Variants in ASAP1 observed in about 807,000 individuals in gnomAD.
The protein encoded by ASAP1 is ArfGAP with SH3 domain, ankyrin repeat and PH domain 1, also known as arf-GAP with SH3 domain, ANK repeat and PH domain-containing protein 1.
ASAP1 carries 43 observed loss-of-function variants against 145.2 expected under a neutral mutation model. The ratio of observed to expected loss-of-function variants is 0.30; its 90% CI spans 0.23 to 0.38. ASAP1 has a LOEUF of 0.38. Ranked by LOEUF, ASAP1 falls within the 10% of genes least tolerant of loss-of-function variation. ASAP1 has a pLI of 1.00. For missense variants in ASAP1, 1,018 were observed against 1,355.3 expected (o/e 0.75, Z 3.91); for synonymous variants, 546 against 515.5 (o/e 1.06, Z -0.80).
intron 3 of ASAP1, among the ~76,000 whole-genome samples, chr8:130,321,957 T>C (rs1387841973): frequency 1.3e-5 from 2 of 152,246 alleles, no homozygotes; most frequent in African/African-American, 4.8e-5. Context: ...AAAAGATAGA[T>C]GCTAAATCTC....
chr8:130,356,159 C>G (rs1307104794), intron 3 of ASAP1, among the ~76,000 whole-genome samples: 4 of 152,222 alleles, frequency 2.6e-5, no homozygotes, highest in African/African-American at 9.6e-5. Flanking sequence ...CATTAACCCT[C>G]TACTACAGGG....
intron 5 of ASAP1, among the ~76,000 whole-genome samples, chr8:130,200,804 C>G (rs1437883703): frequency 6.6e-6 from 1 of 152,118 alleles, no homozygotes; most frequent in Non-Finnish European, 1.5e-5. Context: ...TATAATTAAC[C>G]AGCAGCCTAT....
Position 130,249,945 on chromosome 8 carries a change from C to T in ASAP1, c.187-12951G>A, listed in dbSNP as rs565054869. Among the ~76,000 whole-genome samples the T allele has an allele frequency of 2.2e-3, 330 of 152,080 alleles. 1 individual carries two copies. The highest frequency in any genetic ancestry group is 3.6e-3 in the Non-Finnish European group (248 of 67,984). On this transcript the variant is annotated intron_variant, in intron 3 of 29. Coordinates refer to ENST00000518721, the MANE Select transcript of ASAP1 (RefSeq NM_018482.4). ...TTCTGGCTCTGATTTCTGAAAATCACGTATTTTCAAATCCTAGGAACATTA... is the reference window on the plus strand; with the variant it reads ...TTCTGGCTCTGATTTCTGAAAATCATGTATTTTCAAATCCTAGGAACATTA...
At chr8:130,419,887 C>T (rs1227040372) in intron 1 of ASAP1, among the ~76,000 whole-genome samples, 1 of 152,052 alleles carries the variant, frequency 6.6e-6, no homozygotes, top group Non-Finnish European at 1.5e-5. Flanking sequence ...AAACTAGGCA[C>T]ACACAGGAGC....
intron 27 of ASAP1, among the ~76,000 whole-genome samples, chr8:130,064,025 A>G (rs983665535): frequency 2.6e-5 from 4 of 152,152 alleles, no homozygotes; most frequent in African/African-American, 9.7e-5. Context: ...CCACTCTGAT[A>G]TGGCAAGAGT....
chr8:130,434,004 C>A (rs10098396), intron 1 of ASAP1, among the ~76,000 whole-genome samples: 2 of 151,974 alleles, frequency 1.3e-5, no homozygotes, highest in Non-Finnish European at 2.9e-5. Context: ...GAACACAGAT[C>A]GCCTTGCTTA....
At chr8:130,405,328 G>C (rs1828976650) in intron 1 of ASAP1, among the ~76,000 whole-genome samples, 1 of 152,076 alleles carries the variant, frequency 6.6e-6, no homozygotes, top group Non-Finnish European at 1.5e-5. Flanking sequence ...GACAGTGTGT[G>C]GCAGAACTAA....
At chr8:130,185,758 A>G (rs957644522) in intron 7 of ASAP1, among the ~76,000 whole-genome samples, 9 of 151,474 alleles carry the variant, frequency 5.9e-5, no homozygotes, top group Non-Finnish European at 8.8e-5. Flanking sequence ...AGAAAAAGAA[A>G]AAGAAAAAAA....
chr8:130,276,728 A>ACACACACACACACT (rs548512902), intron 3 of ASAP1, among the ~76,000 whole-genome samples: 4 of 87,272 alleles, frequency 4.6e-5, no homozygotes, highest in South Asian at 5.8e-4. Flanking sequence ...ACACACACAC[A>ACACACACACACACT]CTCTCTCTCT....
At chr8:130,116,545 G>T in intron 22 of ASAP1, 133 bp downstream of exon 22, 1 of 754,394 alleles carries the variant, frequency 1.3e-6, no homozygotes, top group South Asian at 1.7e-5. Context: ...GTAGCACATT[G>T]CTCATCTGAT....
At chr8:130,225,475 G>A (rs139757765) in intron 4 of ASAP1, among the ~76,000 whole-genome samples, 2,269 of 152,138 alleles carry the variant, frequency 0.015, 30 homozygotes, top group African/African-American at 0.038. Context: ...ATTTAAATAC[G>A]TAATACATCT....
intron 15 of ASAP1, among the ~76,000 whole-genome samples, chr8:130,128,545 C>T (rs183942608): frequency 6.6e-6 from 1 of 152,050 alleles, no homozygotes; most frequent in African/African-American, 2.4e-5. Context: ...TTCTGCAAGT[C>T]CATGTCAGTG....
intron 28 of ASAP1, 107 bp from the exon 29 acceptor site, chr8:130,058,183 G>C (rs777634783): frequency 8.0e-7 from 1 of 1,251,002 alleles, no homozygotes; most frequent in East Asian, 2.4e-5. Flanking sequence ...TAACCTCGCT[G>C]AGCCTTGATT....
At chr8:130,127,820 G>T (rs796465789) in intron 16 of ASAP1, 107 bp downstream of exon 16, 5 of 1,245,570 alleles carry the variant, frequency 4.0e-6, no homozygotes, top group African/African-American at 1.5e-5. Context: ...GTGTGTGTAT[G>T]TGAGTGTGTC....
chr8:130,389,788 C>A (rs1828189488), intron 2 of ASAP1, among the ~76,000 whole-genome samples: 1 of 152,168 alleles, frequency 6.6e-6, no homozygotes. Context: ...GCGGCCTCAA[C>A]TTTCCAGGCT....
chr8:130,422,099 A>T (rs1388332106), intron 1 of ASAP1, among the ~76,000 whole-genome samples: 1 of 152,168 alleles, frequency 6.6e-6, no homozygotes, highest in Non-Finnish European at 1.5e-5. Flanking sequence ...GGCCTCCTGG[A>T]AGAGGGGAAT....
At chr8:130,094,255 G>C (rs193083769) in intron 24 of ASAP1, among the ~76,000 whole-genome samples, 4 of 152,206 alleles carry the variant, frequency 2.6e-5, no homozygotes, top group Non-Finnish European at 5.9e-5. Flanking sequence ...TTGTCATCCT[G>C]CTTGGAGTGC....
intron 25 of ASAP1, among the ~76,000 whole-genome samples, chr8:130,089,049 A>C (rs750162058): frequency 6.6e-6 from 1 of 152,216 alleles, no homozygotes; most frequent in Non-Finnish European, 1.5e-5. Context: ...TGCCCTCAGA[A>C]GGAGTTCATG....
chr8:130,110,656 A>G lies in ASAP1; in HGVS notation c.2401+1438T>C, dbSNP rs192857079. Reference sequence around the variant, plus strand: ...CACTATTACTGTGTGGCCACTGGTTATCTTTGAGGATAGCTGTTCATGCCA... The same window carrying G: ...CACTATTACTGTGTGGCCACTGGTTGTCTTTGAGGATAGCTGTTCATGCCA... On this transcript the variant is annotated intron_variant, in intron 24 of 29. Transcript: ENST00000518721. Among the ~76,000 whole-genome samples the G allele has an allele frequency of 2.0e-5, 3 of 152,324 alleles. No homozygotes were observed. The East Asian group carries it at 5.8e-4, about 29-fold the overall frequency.
Sources: gnomAD v4.1 joint callset for allele counts (sites outside exome capture counted in the v4.1 genomes callset) on GRCh38, gnomAD v4.1.1 for gene constraint, MANE v1.5 for transcripts, NCBI Gene and HGNC (gene_info 2026-07-23, HGNC 2026-07-21) for gene names.